LPXN: variants seen among roughly 807,000 people sequenced by gnomAD.
The protein encoded by LPXN is leupaxin.
LPXN carries 28 observed loss-of-function variants against 45.6 expected under a neutral mutation model. The ratio of observed to expected loss-of-function variants is 0.61; its 90% CI spans 0.45 to 0.84. LPXN has a LOEUF of 0.84. Among genes scored for constraint, LPXN ranks in the 40% least tolerant of loss-of-function variants. The probability of loss-of-function intolerance (pLI) is 0.00; values close to 1 mark genes in which losing one functional copy is unlikely to be tolerated. For missense variants in LPXN, 459 were observed against 475.0 expected (o/e 0.97, Z 0.31); for synonymous variants, 166 against 169.9 (o/e 0.98, Z 0.18).
intron 7 of LPXN, 77 bp downstream of exon 7, chr11:58,549,709 G>T: frequency 8.0e-7 from 1 of 1,250,184 alleles, no homozygotes; most frequent in Non-Finnish European, 1.2e-6. Flanking sequence ...GGACTCCCGT[G>T]ACTACCAGGA....
chr11:58,528,036 T>C lies in LPXN; in HGVS notation c.891+7A>G. 2 of 1,613,378 alleles carry C rather than the reference T, an allele frequency of 1.2e-6. No individual in the cohort carries two copies. Among genetic ancestry groups the C allele is most frequent in the Non-Finnish European group, 1.7e-6 (2 of 1,179,588 alleles). The stretch of plus-strand genomic sequence containing the variant: ...CCTAAGTCCGAAAGAAAAGTGATTA[T>C]ACAGACCCCACAAACAAAGCACTCT... On this transcript the variant is annotated splice_region_variant and intron_variant, in intron 8 of 8. Coordinates refer to ENST00000395074, the MANE Select transcript of LPXN (RefSeq NM_004811.3).
intron 4 of LPXN, among the ~76,000 whole-genome samples, chr11:58,553,030 G>A (rs1194730411): frequency 1.3e-5 from 2 of 152,120 alleles, no homozygotes; most frequent in Non-Finnish European, 1.5e-5. Flanking sequence ...ATGTGAAAGT[G>A]CAGCTTATTC....
upstream of LPXN, chr11:58,578,112 A>G (rs1854963116): frequency 7.8e-6 from 12 of 1,529,710 alleles, no homozygotes; most frequent in East Asian, 3.0e-4. Context: ...CTGGGCAGTT[A>G]CGCAGACACC....
chr11:58,567,455 C>A (rs76799147), intron 2 of LPXN, among the ~76,000 whole-genome samples: 1 of 152,086 alleles, frequency 6.6e-6, no homozygotes, highest in African/African-American at 2.4e-5. Context: ...TGAAGGTTTG[C>A]AAAGGAAAAT....
intron 7 of LPXN, among the ~76,000 whole-genome samples, chr11:58,539,816 C>T (rs1853661222): frequency 6.6e-6 from 1 of 152,068 alleles, no homozygotes; most frequent in African/African-American, 2.4e-5. Context: ...AACCCAATAA[C>T]TGATGATAGA....
intron 5 of LPXN, among the ~76,000 whole-genome samples, chr11:58,550,733 A>G (rs1002836033): frequency 2.0e-5 from 3 of 152,180 alleles, no homozygotes; most frequent in Non-Finnish European, 4.4e-5. Flanking sequence ...CAGTACAGAA[A>G]AATGGTCAAG....
rs1015138120 is a variant in LPXN at position 58,550,165 on chromosome 11, C to T, written c.487-19G>A. 3.7e-6 allele frequency: 6 copies of T among 1,606,498 alleles called. No individual in the cohort carries two copies. The highest frequency in any genetic ancestry group is 1.1e-5 in the South Asian group (1 of 91,016). On this transcript the variant is annotated intron_variant, in intron 5 of 8. Transcript: ENST00000395074. ...GGATCACCTGTGGAGTGAAATAAAG[C>T]CTGACACAGGAGGCCAGTTGAGTGC... is the stretch of plus-strand genomic sequence containing the variant.
chr11:58,559,230 C>T (rs1014204763), intron 3 of LPXN, among the ~76,000 whole-genome samples: 26 of 151,964 alleles, frequency 1.7e-4, no homozygotes, highest in African/African-American at 6.3e-4. Flanking sequence ...TACACATACA[C>T]ATTTATATAT....
chr11:58,544,418 G>C (rs1853820773), intron 7 of LPXN, among the ~76,000 whole-genome samples: 1 of 152,134 alleles, frequency 6.6e-6, no homozygotes, highest in Admixed American at 6.6e-5. Context: ...TAAAGCAAAT[G>C]ACACAAAACT....
At chr11:58,575,336 G>A (rs79775400) in intron 1 of LPXN, among the ~76,000 whole-genome samples, 3,277 of 152,112 alleles carry the variant, frequency 0.022, 50 homozygotes, top group Non-Finnish European at 0.024. Context: ...CTTCTAGTCC[G>A]TCTTTTCTTC....
At chr11:58,539,031 G>A (rs1443417904) in intron 7 of LPXN, among the ~76,000 whole-genome samples, 3 of 151,984 alleles carry the variant, frequency 2.0e-5, no homozygotes, top group African/African-American at 7.3e-5. Context: ...TTCTATCAGG[G>A]CGCAGTGGCT....
At chr11:58,547,926 AT>A (rs1853924418) in intron 7 of LPXN, among the ~76,000 whole-genome samples, 1 of 152,168 alleles carries the variant, frequency 6.6e-6, no homozygotes. Flanking sequence ...CTGATTCCAT[AT>A]TTGTTCAAAA....
chr11:58,528,644 T>G (rs1177703989), intron 7 of LPXN, among the ~76,000 whole-genome samples: 1 of 152,314 alleles, frequency 6.6e-6, no homozygotes, highest in East Asian at 1.9e-4. Flanking sequence ...ACAGGAACAT[T>G]AGCTCTGAGA....
intron 7 of LPXN, among the ~76,000 whole-genome samples, chr11:58,533,474 G>A (rs1853457802): frequency 1.3e-5 from 2 of 152,190 alleles, no homozygotes; most frequent in African/African-American, 2.4e-5. Flanking sequence ...CAAATGCTGA[G>A]AGACTTTACT....
chr11:58,578,014 C>T (rs117724213), upstream of LPXN: 5 of 1,550,946 alleles, frequency 3.2e-6, no homozygotes, highest in East Asian at 1.2e-4. Context: ...GAGTGACTCA[C>T]ACACCGGAAG....
chr11:58,575,840 A>T lies in LPXN; in HGVS notation c.-68T>A. 6.2e-7 allele frequency: 1 copy of T among 1,614,042 alleles called. No individual in the cohort carries two copies. Among genetic ancestry groups the T allele is most frequent in the Non-Finnish European group, 8.5e-7 (1 of 1,179,950 alleles). On this transcript the variant is annotated 5_prime_UTR_variant, in exon 1 of 9. Transcript: ENST00000395074. ...ACAGCTTTGGCATGTGCTGAAGAAG[A>T]GGACCGCAAAGGAACTGGATGAGAC...
Position 58,549,844 on chromosome 11 carries a change from C to G in LPXN, c.684G>C (p.Gln228His), listed in dbSNP as rs1386428909. ...ILDKVLTAMN[Q>H]TWHPEHFFCS... ...AGAAGAAGTGCTCTGGGTGCCAGGT[C>G]TGGTTCATTGCTGTCAGCACTTTCT... is the stretch of plus-strand genomic sequence containing the variant. Residue 228 changes from glutamine to histidine, a missense_variant, in exon 7 of 9, where the codon CAG becomes CAC. Physicochemically the swap from Gln to His is conservative, Grantham distance 24. Transcript: ENST00000395074. 1 of 1,614,112 alleles carries G rather than the reference C, an allele frequency of 6.2e-7. No individual in the cohort carries two copies.
At chr11:58,554,430 T>A (rs1311697615) in intron 4 of LPXN, among the ~76,000 whole-genome samples, 1 of 152,188 alleles carries the variant, frequency 6.6e-6, no homozygotes, top group Non-Finnish European at 1.5e-5. Flanking sequence ...CATCTCTTTA[T>A]GTCCAAACTC....
upstream of LPXN, chr11:58,578,107 C>A (rs1253841540): frequency 6.5e-6 from 10 of 1,529,794 alleles, no homozygotes; most frequent in African/African-American, 1.4e-5. Context: ...CAAGTCTGGG[C>A]AGTTACGCAG....
Sources: allele counts gnomAD v4.1 joint callset (sites outside exome capture counted in the v4.1 genomes callset), GRCh38; gene constraint gnomAD v4.1.1; transcripts MANE v1.5; gene names NCBI Gene and HGNC (gene_info 2026-07-23, HGNC 2026-07-21).